Variants in TYR observed in about 807,000 individuals in gnomAD.
TYR encodes the protein LB24-AB.
In TYR, 58 loss-of-function variants were observed where a neutral mutation model predicts 51.5. That is an observed-to-expected ratio of 1.13 (90% confidence interval 0.91 to 1.40). The LOEUF is 1.40. TYR is among the 40% of genes most tolerant of loss of function. The pLI is 0.00. For missense variants in TYR, 732 were observed against 647.4 expected, an observed-to-expected ratio of 1.13 and a Z score of -1.42; for synonymous variants, 263 against 235.2, an observed-to-expected ratio of 1.12 and a Z score of -1.08.
intron 4 of TYR, among the ~76,000 whole-genome samples, chr11:89,287,045 T>C (rs992070509): frequency 6.6e-6 from 1 of 151,862 alleles, no homozygotes; most frequent in African/African-American, 2.4e-5. Flanking sequence ...CTCTCAGATA[T>C]AAAAATCATT....
chr11:89,209,417 A>T (rs1421837046), intron 2 of TYR, among the ~76,000 whole-genome samples: 4 of 152,168 alleles, frequency 2.6e-5, no homozygotes, highest in Admixed American at 2.6e-4. Context: ...AGGCTTGAGT[A>T]GGCGATTCTA....
chr11:89,283,744 C>T (rs1301170007), intron 3 of TYR: 2 of 151,844 alleles, frequency 1.3e-5, no homozygotes, highest in African/African-American at 4.8e-5. Context: ...TTGTTAATGG[C>T]TCTCTATAAA....
At chr11:89,230,818 C>A (rs1200320164) in intron 3 of TYR, among the ~76,000 whole-genome samples, 1 of 151,020 alleles carries the variant, frequency 6.6e-6, no homozygotes, top group African/African-American at 2.4e-5. Flanking sequence ...CAAATCAAAA[C>A]CACAATGAGA....
intron 2 of TYR, among the ~76,000 whole-genome samples, chr11:89,221,509 C>A (rs1396551423): frequency 6.6e-6 from 1 of 152,134 alleles, no homozygotes; most frequent in Non-Finnish European, 1.5e-5. Context: ...TTGCTTAGAT[C>A]CAAAAATGTT....
intron 2 of TYR, among the ~76,000 whole-genome samples, chr11:89,221,592 A>G (rs529039770): frequency 1.3e-5 from 2 of 152,330 alleles, no homozygotes; most frequent in East Asian, 3.9e-4. Context: ...TTCAGCCATC[A>G]AATACAGCCT....
intron 3 of TYR, among the ~76,000 whole-genome samples, chr11:89,257,212 G>A (rs115108916): frequency 0.11 from 17,128 of 151,918 alleles, 1,946 homozygotes; most frequent in African/African-American, 0.29. Context: ...AAAGTGGAAT[G>A]TAGTAGGACA....
chr11:89,219,589 T>C (rs906967952), intron 2 of TYR, among the ~76,000 whole-genome samples: 5 of 152,134 alleles, frequency 3.3e-5, no homozygotes, highest in Non-Finnish European at 7.4e-5. Context: ...GTGCCCGGCC[T>C]GATAGAATGC....
chr11:89,230,491 A>G lies in TYR; in HGVS notation c.1184+2521A>G, dbSNP rs573912240. 4.3e-4 allele frequency among the ~76,000 whole-genome samples: 65 copies of G among 152,222 alleles called. 2 individuals carry two copies. In the South Asian group the frequency reaches 0.012, roughly 29 times the overall value. ...CTGGGCAATGATTTTTTTGGAGAGG[A>G]GCCCCAAAGCAAAGGTAACAAACAC... is the stretch of plus-strand genomic sequence containing the variant. On this transcript the variant is annotated intron_variant, in intron 3 of 4. Coordinates refer to ENST00000263321, the MANE Select transcript of TYR (RefSeq NM_000372.5).
chr11:89,236,972 C>T (rs1160467367), intron 3 of TYR, among the ~76,000 whole-genome samples: 1 of 152,082 alleles, frequency 6.6e-6, no homozygotes, highest in African/African-American at 2.4e-5. Context: ...GGTCGGTATC[C>T]TGAAATCAGC....
At chr11:89,209,038 G>A (rs951143307) in intron 2 of TYR, among the ~76,000 whole-genome samples, 2 of 152,198 alleles carry the variant, frequency 1.3e-5, no homozygotes. Context: ...GAAGATGGGT[G>A]ATTTCTGCAT....
Position 89,188,679 on chromosome 11 carries a change from G to T in TYR, c.820-2523G>T, listed in dbSNP as rs567813542. ...CAGCTCTACAACACTGCTAAAGTGG[G>T]TAAGGCTGAATATGATGTTAAATAG... On this transcript the variant is annotated intron_variant, in intron 1 of 4. Coordinates refer to ENST00000263321, the MANE Select transcript of TYR (RefSeq NM_000372.5). Among the ~76,000 whole-genome samples the T allele has an allele frequency of 8.1e-4, 123 of 152,162 alleles. 2 individuals are homozygous for T. In the Middle Eastern group the frequency reaches 0.014, roughly 17 times the overall value.
At chr11:89,275,672 T>C (rs1944645899) in intron 3 of TYR, among the ~76,000 whole-genome samples, 1 of 151,836 alleles carries the variant, frequency 6.6e-6, no homozygotes, top group South Asian at 2.1e-4. Flanking sequence ...TCAGATTCTC[T>C]AGCACAGCCA....
rs1200553541 is a variant in TYR at position 89,284,965 on chromosome 11, C to G, written c.1366+11C>G. 6.2e-6 allele frequency: 10 copies of G among 1,609,130 alleles called. No individual in the cohort carries two copies. Among genetic ancestry groups the G allele is most frequent in the Non-Finnish European group, 8.5e-6 (10 of 1,176,356 alleles). The stretch of plus-strand genomic sequence containing the variant: ...ATCTACAAGATTCAGGTAAAGTTTA[C>G]TTTCTTTCAGAGGAATTGCTGAATC... On this transcript the variant is annotated intron_variant, in intron 4 of 4. Coordinates refer to ENST00000263321, the MANE Select transcript of TYR (RefSeq NM_000372.5).
At chr11:89,196,817 A>C (rs1008389597) in intron 2 of TYR, among the ~76,000 whole-genome samples, 3 of 152,168 alleles carry the variant, frequency 2.0e-5, no homozygotes, top group Admixed American at 6.6e-5. Context: ...ACAAGGGAAA[A>C]CATGAAGTTC....
chr11:89,259,031 T>A (rs978155979), intron 3 of TYR, among the ~76,000 whole-genome samples: 6 of 152,096 alleles, frequency 3.9e-5, no homozygotes, highest in South Asian at 2.1e-4. Flanking sequence ...GGTGTCTTTT[T>A]TTAATACCCA....
At chr11:89,276,724 G>C (rs1944659112) in intron 3 of TYR, among the ~76,000 whole-genome samples, 1 of 151,568 alleles carries the variant, frequency 6.6e-6, no homozygotes, top group South Asian at 2.1e-4. Flanking sequence ...AGGTCAAGCA[G>C]AGCGTCTTCC....
At chr11:89,277,870 T>C (rs1301972781) in intron 3 of TYR, among the ~76,000 whole-genome samples, 1 of 151,716 alleles carries the variant, frequency 6.6e-6, no homozygotes, top group Non-Finnish European at 1.5e-5. Context: ...CAGTCCCTTC[T>C]CTGCAACGAA....
At position 89,295,326 on chromosome 11, in the gene TYR, A is replaced by T. The variant is rs750299738; in HGVS notation, c.1550A>T (p.Glu517Val). Reference sequence around the variant, plus strand: ...GAAGAAAAGCAGCCACTCCTCATGGAGAAAGAGGATTACCACAGCTTGTAT... The same window carrying T: ...GAAGAAAAGCAGCCACTCCTCATGGTGAAAGAGGATTACCACAGCTTGTAT... ...LPEEKQPLLM[E>V]KEDYHSLYQS... Residue 517 changes from glutamate (E) to valine (V), a missense_variant, in exon 5 of 5, where the codon GAG becomes GTG. Transcript: ENST00000263321. The T allele has an allele frequency of 1.2e-6, 2 of 1,613,370 alleles. No homozygotes were observed. The highest frequency in any genetic ancestry group is 2.7e-5 in the African/African-American group (2 of 74,902).
chr11:89,204,687 T>A (rs1410406725), intron 2 of TYR, among the ~76,000 whole-genome samples: 1 of 152,112 alleles, frequency 6.6e-6, no homozygotes, highest in Non-Finnish European at 1.5e-5. Context: ...TGTGAGCCAC[T>A]GCGCCCAGCT....
Sources: allele counts gnomAD v4.1 joint callset (sites outside exome capture counted in the v4.1 genomes callset), GRCh38; gene constraint gnomAD v4.1.1; transcripts MANE v1.5; gene names NCBI Gene and HGNC (gene_info 2026-07-23, HGNC 2026-07-21).